The following TRDN variants were observed in gnomAD, a reference collection of about 807,000 sequenced individuals.
TRDN encodes triadin in skeletal muscle.
Under a neutral mutation model 149.7 loss-of-function variants are expected in TRDN, and 161 were observed. That is an observed-to-expected ratio of 1.08 (90% CI 0.95 to 1.23). The LOEUF is 1.23. Ranked by LOEUF, TRDN falls within the 50% of genes most tolerant of loss-of-function variation. The probability of loss-of-function intolerance (pLI) is 0.00; values close to 1 mark genes in which losing one functional copy is unlikely to be tolerated. For missense variants in TRDN, 896 were observed against 823.5 expected (o/e 1.09, Z -1.08); for synonymous variants, 294 against 250.5 (o/e 1.17, Z -1.64).
At chr6:123,511,579 T>C (rs11154174) in intron 7 of TRDN, among the ~76,000 whole-genome samples, 49,297 of 152,126 alleles carry the variant, frequency 0.32, 8,294 homozygotes, top group Admixed American at 0.45. Flanking sequence ...CCAAATATGT[T>C]ATTTTAGTTT....
chr6:123,537,097 T>A (rs536683553), intron 4 of TRDN, among the ~76,000 whole-genome samples: 34 of 152,294 alleles, frequency 2.2e-4, no homozygotes, highest in Non-Finnish European at 3.7e-4. Flanking sequence ...TAAGTAAGTA[T>A]ATTATGCCTA....
In TRDN at chr6:123,636,822, G is replaced by C. The variant is rs1786348884; in HGVS notation, c.-47C>G. 3 of 1,610,066 alleles carry C rather than the reference G, an allele frequency of 1.9e-6. No homozygotes were observed. The highest frequency in any genetic ancestry group is 2.5e-6 in the Non-Finnish European group (3 of 1,177,258). ...TCAGTTGAAAAGTTCCCGTCAAGTT[G>C]CACTTTGCAGAGTATTTGGGGATTT... On this transcript the variant is annotated 5_prime_UTR_variant, in exon 1 of 41. Coordinates refer to ENST00000334268, the MANE Select transcript of TRDN (RefSeq NM_006073.4).
chr6:123,265,094 G>T (rs1776894014), intron 33 of TRDN, among the ~76,000 whole-genome samples: 1 of 151,864 alleles, frequency 6.6e-6, no homozygotes, highest in South Asian at 2.1e-4. Context: ...TTGGTCTAGG[G>T]CTTCTTGCTC....
chr6:123,308,408 G>A (rs1320653184), intron 24 of TRDN, among the ~76,000 whole-genome samples: 1 of 150,950 alleles, frequency 6.6e-6, no homozygotes, highest in East Asian at 1.9e-4. Flanking sequence ...TTGAATGGTA[G>A]TTCTGTTTCA....
intron 1 of TRDN, among the ~76,000 whole-genome samples, chr6:123,619,981 T>C (rs1785296327): frequency 6.6e-6 from 1 of 152,102 alleles, no homozygotes; most frequent in African/African-American, 2.4e-5. Context: ...TCCAGGCAAA[T>C]AGTTTCTCTC....
At chr6:123,341,323 C>T (rs553234332) in intron 21 of TRDN, among the ~76,000 whole-genome samples, 172 of 151,954 alleles carry the variant, frequency 1.1e-3, no homozygotes, top group African/African-American at 3.7e-3. Flanking sequence ...CATAATGATA[C>T]ATTTAACTGT....
intron 39 of TRDN, among the ~76,000 whole-genome samples, chr6:123,221,807 G>A (rs190240299): frequency 5.3e-5 from 8 of 151,838 alleles, no homozygotes; most frequent in Admixed American, 1.3e-4. Context: ...ATTCATTAAT[G>A]AGGATAGTTG....
chr6:123,446,708 T>C (rs1341444325), intron 10 of TRDN, among the ~76,000 whole-genome samples: 1 of 152,092 alleles, frequency 6.6e-6, no homozygotes, highest in Non-Finnish European at 1.5e-5. Context: ...AGAATCTTTT[T>C]ACTGGTATGA....
At chr6:123,503,202 G>T in intron 8 of TRDN, 1 of 983,812 alleles carries the variant, frequency 1.0e-6, no homozygotes, top group Non-Finnish European at 1.2e-6. Context: ...ATAACATCTT[G>T]CCTATTAAAT....
chr6:123,389,622 A>G (rs1287990711), intron 13 of TRDN: 1 of 152,154 alleles, frequency 6.6e-6, no homozygotes, highest in Non-Finnish European at 1.5e-5. Flanking sequence ...ACAGGAAGAA[A>G]ATGTATTTTA....
intron 12 of TRDN, among the ~76,000 whole-genome samples, chr6:123,406,878 T>C (rs1773212952): frequency 1.3e-5 from 2 of 152,154 alleles, no homozygotes; most frequent in Non-Finnish European, 2.9e-5. Flanking sequence ...ATCTCTGTGC[T>C]CTCCCCTTGC....
chr6:123,550,051 C>T lies in TRDN; in HGVS notation c.233-1439G>A, dbSNP rs74949165. 3.1e-3 allele frequency among the ~76,000 whole-genome samples: 475 copies of T among 152,102 alleles called. 1 individual carries two copies. The highest frequency in any genetic ancestry group is 9.5e-3 in the African/African-American group (394 of 41,524). ...ATTTGGGTTGCCTATTAGATACTTA[C>T]ATCAAGATGTAGACATTTGTGTAAT... On this transcript the variant is annotated intron_variant, in intron 2 of 40. Transcript: ENST00000334268.
intron 4 of TRDN, among the ~76,000 whole-genome samples, chr6:123,536,030 T>A (rs1300323962): frequency 1.3e-5 from 2 of 152,148 alleles, no homozygotes; most frequent in African/African-American, 4.8e-5. Flanking sequence ...TTACTAGCTG[T>A]GTGAACTTCA....
At position 123,588,823 on chromosome 6, in the gene TRDN, A is replaced by C. The variant is rs553181094; in HGVS notation, c.23-17691T>G. Reference sequence around the variant, plus strand: ...ATCTTTTTCTGGGAATGTTTAAAGAAATGCTGTAAAAGACTATTAGTATAT... The same window carrying C: ...ATCTTTTTCTGGGAATGTTTAAAGACATGCTGTAAAAGACTATTAGTATAT... On this transcript the variant is annotated intron_variant, in intron 1 of 40. Coordinates refer to ENST00000334268, the MANE Select transcript of TRDN (RefSeq NM_006073.4). 2.0e-5 allele frequency among the ~76,000 whole-genome samples: 3 copies of C among 152,314 alleles called. No homozygotes were observed. The South Asian group carries it at 6.2e-4, about 32-fold the overall frequency.
chr6:123,372,102 T>C (rs866558997), intron 19 of TRDN, among the ~76,000 whole-genome samples: 5 of 152,064 alleles, frequency 3.3e-5, no homozygotes, highest in Admixed American at 2.0e-4. Flanking sequence ...ATATCAAGCA[T>C]GCTGGTTCAG....
chr6:123,539,211 T>G (rs1218252074), intron 4 of TRDN, among the ~76,000 whole-genome samples: 1 of 152,232 alleles, frequency 6.6e-6, no homozygotes, highest in Non-Finnish European at 1.5e-5. Context: ...ACTACTGTCT[T>G]GATCAATGTT....
chr6:123,606,843 G>A (rs913088185), intron 1 of TRDN, among the ~76,000 whole-genome samples: 1 of 152,170 alleles, frequency 6.6e-6, no homozygotes, highest in Non-Finnish European at 1.5e-5. Context: ...TCAAAGAAAT[G>A]TATGACTATT....
At chr6:123,602,837 T>C (rs1784340794) in intron 1 of TRDN, among the ~76,000 whole-genome samples, 1 of 151,992 alleles carries the variant, frequency 6.6e-6, no homozygotes, top group Non-Finnish European at 1.5e-5. Flanking sequence ...CAGGACAAAA[T>C]CTCAAACCAG....
chr6:123,238,997 C>G (rs558948544), intron 38 of TRDN, among the ~76,000 whole-genome samples: 3 of 152,124 alleles, frequency 2.0e-5, no homozygotes, highest in Non-Finnish European at 4.4e-5. Flanking sequence ...CACACCACCA[C>G]GCCACGCTAA....
Sources: allele counts gnomAD v4.1 joint callset (sites outside exome capture counted in the v4.1 genomes callset), GRCh38; gene constraint gnomAD v4.1.1; transcripts MANE v1.5; gene names NCBI Gene and HGNC (gene_info 2026-07-23, HGNC 2026-07-21).